The following ITGB3BP variants were observed in gnomAD, a reference collection of about 807,000 sequenced individuals.
ITGB3BP encodes centromere protein R.
A neutral mutation model predicts 29.1 loss-of-function variants in ITGB3BP; 27 were observed. The observed-to-expected ratio is 0.93, with a 90% CI of 0.68 to 1.28. ITGB3BP has a LOEUF of 1.28. Ranked by LOEUF, ITGB3BP falls within the 50% of genes most tolerant of loss-of-function variation. The pLI is 0.00. For missense variants in ITGB3BP, 192 were observed against 200.2 expected (o/e 0.96, Z 0.25); for synonymous variants, 61 against 61.4 (o/e 0.99, Z 0.03).
intron 4 of ITGB3BP, among the ~76,000 whole-genome samples, chr1:63,472,936 A>G (rs1645234729): frequency 7.3e-6 from 1 of 137,782 alleles, no homozygotes; most frequent in Admixed American, 7.2e-5. Context: ...CTGGCCGCCC[A>G]TCATCTGGGA....
intron 1 of ITGB3BP, among the ~76,000 whole-genome samples, chr1:63,517,007 A>G (rs1444597119): frequency 2.6e-5 from 4 of 152,154 alleles, no homozygotes; most frequent in East Asian, 3.8e-4. Flanking sequence ...ATAAAAACAA[A>G]TAAGTTAGGT....
intron 1 of ITGB3BP, among the ~76,000 whole-genome samples, chr1:63,515,745 G>C (rs941166824): frequency 7.1e-6 from 1 of 140,418 alleles, no homozygotes; most frequent in Non-Finnish European, 1.5e-5. Context: ...AGAATCACTT[G>C]AACTCGGGAG....
At chr1:63,450,343 G>A (rs1475485348) in intron 7 of ITGB3BP, among the ~76,000 whole-genome samples, 1 of 151,860 alleles carries the variant, frequency 6.6e-6, no homozygotes. Flanking sequence ...TCATATCTTG[G>A]CAACTGCTCT....
At chr1:63,511,154 C>T (rs777878384) in intron 1 of ITGB3BP, among the ~76,000 whole-genome samples, 2 of 151,812 alleles carry the variant, frequency 1.3e-5, no homozygotes, top group Non-Finnish European at 2.9e-5. Flanking sequence ...ATACTAATGA[C>T]CAATAAGCAC....
intron 7 of ITGB3BP, among the ~76,000 whole-genome samples, chr1:63,451,547 G>C (rs1041773612): frequency 6.6e-6 from 1 of 151,648 alleles, no homozygotes; most frequent in Non-Finnish European, 1.5e-5. Flanking sequence ...AGCAGAAAAG[G>C]GTAAAAGTTG....
chr1:63,473,358 C>A (rs1022857792), intron 4 of ITGB3BP, among the ~76,000 whole-genome samples: 2 of 150,396 alleles, frequency 1.3e-5, no homozygotes, highest in Non-Finnish European at 3.0e-5. Context: ...GGGGGTCAGC[C>A]CCCCGCCCGG....
intron 8 of ITGB3BP, among the ~76,000 whole-genome samples, chr1:63,443,950 A>G (rs1187596185): frequency 1.3e-5 from 2 of 152,198 alleles, no homozygotes; most frequent in East Asian, 3.9e-4. Flanking sequence ...TTTGGAAACC[A>G]TATACACTAA....
At chr1:63,493,426 A>T (rs1218658236) in intron 2 of ITGB3BP, among the ~76,000 whole-genome samples, 3 of 147,672 alleles carry the variant, frequency 2.0e-5, no homozygotes, top group Non-Finnish European at 4.4e-5. Flanking sequence ...AAAAACAAAC[A>T]AACAAACAAA....
intron 8 of ITGB3BP, among the ~76,000 whole-genome samples, chr1:63,444,917 AT>A (rs1644772550): frequency 6.6e-6 from 1 of 152,082 alleles, no homozygotes; most frequent in Non-Finnish European, 1.5e-5. Context: ...TAATAACTGT[AT>A]TTGCCTCATA....
intron 3 of ITGB3BP, among the ~76,000 whole-genome samples, chr1:63,482,506 G>T (rs1166559872): frequency 6.6e-6 from 1 of 152,014 alleles, no homozygotes; most frequent in African/African-American, 2.4e-5. Flanking sequence ...CTTGCATGTA[G>T]ATCAAGTTGA....
intron 2 of ITGB3BP, among the ~76,000 whole-genome samples, chr1:63,501,946 C>T (rs1645941345): frequency 6.6e-6 from 1 of 151,954 alleles, no homozygotes; most frequent in Non-Finnish European, 1.5e-5. Flanking sequence ...ACCTCCCCAA[C>T]AAAACCTGCA....
chr1:63,463,705 G>A (rs754162913), intron 4 of ITGB3BP, among the ~76,000 whole-genome samples: 5 of 152,208 alleles, frequency 3.3e-5, no homozygotes, highest in Non-Finnish European at 5.9e-5. Flanking sequence ...AAAGGATATG[G>A]AAGTTCACAT....
chr1:63,503,245 T>C (rs7555112), intron 2 of ITGB3BP, among the ~76,000 whole-genome samples: 50,943 of 151,534 alleles, frequency 0.34, 8,676 homozygotes, highest in East Asian at 0.48. Context: ...TGGTTTTGAT[T>C]TGCATTTCTC....
At chr1:63,499,149 C>T (rs1570275113) in intron 2 of ITGB3BP, among the ~76,000 whole-genome samples, 1 of 136,902 alleles carries the variant, frequency 7.3e-6, no homozygotes, top group East Asian at 2.1e-4. Flanking sequence ...AAGTGAATTC[C>T]ACTAGCGTTT....
intron 2 of ITGB3BP, among the ~76,000 whole-genome samples, chr1:63,491,570 G>C (rs1335870622): frequency 6.6e-6 from 1 of 152,066 alleles, no homozygotes; most frequent in East Asian, 1.9e-4. Context: ...AACTCTGCCT[G>C]GTCAACTATC....
chr1:63,478,942 G>A (rs990568123), intron 3 of ITGB3BP, 109 bp from the exon 4 acceptor site: 2 of 427,780 alleles, frequency 4.7e-6, no homozygotes, highest in African/African-American at 4.1e-5. Context: ...AGGACAAATG[G>A]AAGGGAGGTG....
intron 1 of ITGB3BP, among the ~76,000 whole-genome samples, chr1:63,513,879 C>T (rs1646254433): frequency 6.6e-6 from 1 of 152,040 alleles, no homozygotes; most frequent in Non-Finnish European, 1.5e-5. Flanking sequence ...TCAGTATTTG[C>T]CTAATATTTT....
chr1:63,456,346 A>G (rs945962226), intron 4 of ITGB3BP, among the ~76,000 whole-genome samples: 4 of 152,126 alleles, frequency 2.6e-5, no homozygotes, highest in South Asian at 2.1e-4. Context: ...TTTTTCTTTA[A>G]AAGTTTTCCT....
At chr1:63,505,408 CTTT>C (rs1254355159) in intron 2 of ITGB3BP, among the ~76,000 whole-genome samples, 1 of 151,982 alleles carries the variant, frequency 6.6e-6, no homozygotes, top group Non-Finnish European at 1.5e-5. Flanking sequence ...CTCTTTTCTT[CTTT>C]ATTAGTCTTG....
Sources: allele counts gnomAD v4.1 joint callset (sites outside exome capture counted in the v4.1 genomes callset), GRCh38; gene constraint gnomAD v4.1.1; transcripts MANE v1.5; gene names NCBI Gene and HGNC (gene_info 2026-07-23, HGNC 2026-07-21).